RPS16: variants seen among roughly 807,000 people sequenced by gnomAD.
The protein encoded by RPS16 is small ribosomal subunit protein uS9.
Under a neutral mutation model 20.1 loss-of-function variants are expected in RPS16, and 2 were observed. The ratio of observed to expected loss-of-function variants is 0.10; its 90% CI spans 0.04 to 0.31. RPS16 has a LOEUF of 0.31. Ranked by LOEUF, RPS16 falls within the 10% of genes least tolerant of loss-of-function variation. The pLI is 1.00. For missense variants in RPS16, 129 were observed against 198.6 expected, an observed-to-expected ratio of 0.65 and a Z score of 2.11; for synonymous variants, 95 against 76.1, an observed-to-expected ratio of 1.25 and a Z score of -1.29.
At chr19:39,434,851 A>C (rs1429821961) in intron 2 of RPS16, 1 of 152,242 alleles carries the variant, frequency 6.6e-6, no homozygotes, top group African/African-American at 2.4e-5. Context: ...AATTTTTTTA[A>C]CTGACCCTGC....
chr19:39,434,640 G>A (rs773032265), intron 2 of RPS16: 2 of 152,178 alleles, frequency 1.3e-5, no homozygotes, highest in African/African-American at 2.4e-5. Flanking sequence ...AATAAAGTGA[G>A]ACCCCACGTC....
intron 2 of RPS16, 122 bp downstream of exon 2, chr19:39,435,485 A>T: frequency 1.4e-6 from 1 of 739,314 alleles, no homozygotes; most frequent in Non-Finnish European, 2.3e-6. Flanking sequence ...CCACTGTTCT[A>T]CACCCAACAC....
chr19:39,433,744 C>T lies in RPS16; in HGVS notation c.168G>A (p.Leu56=), dbSNP rs755388479. 1.1e-5 allele frequency: 18 copies of T among 1,614,044 alleles called. No homozygotes were observed. Among genetic ancestry groups the T allele is most frequent in the Non-Finnish European group, 1.5e-5 (18 of 1,180,036 alleles). Reference sequence around the variant, plus strand: ...CAGCAAATCGCTCCTTGCCGAGAAGCAGAACTGGCTCCAGCAGCTAAAGGA... The same window carrying T: ...CAGCAAATCGCTCCTTGCCGAGAAGTAGAACTGGCTCCAGCAGCTAAAGGA... The part of the protein sequence containing the change: ...TLQYKLLEPV[L]LLGKERFAGV... Residue 56 remains leucine (L), a synonymous_variant, in exon 3 of 5, where the codon CTG becomes CTA. Coordinates refer to ENST00000251453, the MANE Select transcript of RPS16 (RefSeq NM_001020.6).
At chr19:39,434,576 C>T (rs1023978719) in intron 2 of RPS16, 35 of 152,326 alleles carry the variant, frequency 2.3e-4, no homozygotes, top group South Asian at 4.1e-4. Context: ...GTGATCACAC[C>T]TGTAATCCCA....
intron 2 of RPS16, chr19:39,434,777 T>C (rs481421): frequency 0.44 from 67,596 of 152,052 alleles, 16,466 homozygotes; most frequent in African/African-American, 0.65. Flanking sequence ...GATTGTGCTA[T>C]TGCACTCCAG....
chr19:39,433,138 T>C lies in RPS16; in HGVS notation c.*135A>G. On this transcript the variant is annotated 3_prime_UTR_variant, in exon 5 of 5. Transcript: ENST00000251453. ...GGAGGGTCAAAATCCAGACTGGCAA[T>C]AGGTCCAGGATGTTTACTGATTTCT... 1.0e-6 allele frequency: 1 copy of C among 999,124 alleles called. No individual in the cohort carries two copies. The highest frequency in any genetic ancestry group is 1.5e-6 in the Non-Finnish European group (1 of 670,442). The allele number at this position is 999,124 out of a possible 1,614,324, so 61.9% of individuals were successfully genotyped here.
At position 39,433,680 on chromosome 19, in the gene RPS16, C is replaced by T. The variant is rs746974566; in HGVS notation, c.232G>A (p.Val78Met). 6 of 1,614,232 alleles carry T rather than the reference C, an allele frequency of 3.7e-6. No homozygotes were observed. Among genetic ancestry groups the T allele is most frequent in the Middle Eastern group, 1.6e-4 (1 of 6,062 alleles). Reference protein sequence around the residue: ...IRVRVKGGGHVAQIYAIRQSI... With the variant: ...IRVRVKGGGHMAQIYAIRQSI... ...TGGGACTCACCATAAATCTGGGCCA[C>T]GTGACCACCACCCTTTACACGGACA... The change falls in exon 3 of 5, where the codon GTG becomes ATG. Residue 78 changes from valine to methionine, a missense_variant. Around this residue, in one of 2 missense-constraint regions of RPS16, gnomAD observed 117 missense variants for 151.4 expected, o/e 0.77. Coordinates refer to ENST00000251453, the MANE Select transcript of RPS16 (RefSeq NM_001020.6).
intron 2 of RPS16, chr19:39,434,174 T>A: frequency 5.0e-6 from 1 of 199,400 alleles, no homozygotes; most frequent in East Asian, 1.1e-4. Flanking sequence ...ATTTCCCACC[T>A]GAGCTCTCTG....
At chr19:39,435,351 C>T (rs1378678331) in intron 2 of RPS16, 3 of 486,960 alleles carry the variant, frequency 6.2e-6, no homozygotes, top group South Asian at 3.5e-5. Flanking sequence ...CCTTTGGGTC[C>T]CCCCGCCCCA....
rs376071845 is a variant in RPS16, at chr19:39,433,442, G to A, written c.296-24C>T. On this transcript the variant is annotated intron_variant, in intron 4 of 4. Coordinates refer to ENST00000251453, the MANE Select transcript of RPS16 (RefSeq NM_001020.6). ...ATCTGGCAAGAAGAGCAGGGACGAG[G>A]ATTTAGATAATCACACAGAGTCCTT... 356 of 1,613,466 alleles carry A rather than the reference G, an allele frequency of 2.2e-4. 1 individual carries two copies. Among genetic ancestry groups the A allele is most frequent in the Non-Finnish European group, 2.7e-4 (316 of 1,179,560 alleles).
chr19:39,433,841 GGCTTCTGCC>G, intron 2 of RPS16, 80 bp from the exon 3 acceptor site: 1 of 1,392,412 alleles, frequency 7.2e-7, no homozygotes. Flanking sequence ...TTGTTTCTGT[GGCTTCTGCC>G]ACCACTGGCC....
intron 2 of RPS16, 190 bp downstream of exon 2, chr19:39,435,417 A>C (rs564577): frequency 0.56 from 325,903 of 577,570 alleles, 94,531 homozygotes; most frequent in African/African-American, 0.81. Flanking sequence ...ATCTTCAACA[A>C]CCCCATCTCA....
At chr19:39,434,125 A>AGTG in intron 2 of RPS16, 1 of 305,408 alleles carries the variant, frequency 3.3e-6, no homozygotes, top group South Asian at 3.2e-5. Flanking sequence ...TGTTTCAAGT[A>AGTG]GTCGAAAGCC....
chr19:39,435,943 G>A lies in RPS16; in HGVS notation c.-48C>T, dbSNP rs767142370. The A allele has an allele frequency of 7.5e-6, 12 of 1,600,924 alleles. No homozygotes were observed. The South Asian group carries it at 9.9e-5, about 13-fold the overall frequency. On this transcript the variant is annotated 5_prime_UTR_variant, in exon 1 of 5. Coordinates refer to ENST00000251453, the MANE Select transcript of RPS16 (RefSeq NM_001020.6). ...ACCTCACCGCGCGGCGCCGCAACCGGAAAAGGAAAGCTAGGGGCCACCCTG... is the reference window on the plus strand; with the variant it reads ...ACCTCACCGCGCGGCGCCGCAACCGAAAAAGGAAAGCTAGGGGCCACCCTG...
rs1175639832 is a variant in RPS16 at position 39,435,838 on chromosome 19, T to C, written c.48+10A>G. The stretch of plus-strand genomic sequence containing the variant: ...CTTCCCCTCCCCTTCCCATCCGGCG[T>C]CTGGCTCACCTTGCGTCCGAAGACC... On this transcript the variant is annotated intron_variant, in intron 1 of 4. Transcript: ENST00000251453. 6.2e-7 allele frequency: 1 copy of C among 1,610,990 alleles called. No individual in the cohort carries two copies. The highest frequency in any genetic ancestry group is 2.2e-5 in the East Asian group (1 of 44,878).
At chr19:39,434,469 A>C (rs942802001) in intron 2 of RPS16, 11 of 152,592 alleles carry the variant, frequency 7.2e-5, no homozygotes, top group African/African-American at 2.7e-4. Flanking sequence ...TACACATACA[A>C]ATCCTTCAAA....
At position 39,435,924 on chromosome 19, in the gene RPS16, C is replaced by G. The variant is rs1461803460; in HGVS notation, c.-29G>C. On this transcript the variant is annotated 5_prime_UTR_variant, in exon 1 of 5. Coordinates refer to ENST00000251453, the MANE Select transcript of RPS16 (RefSeq NM_001020.6). ...TCCGAGCGTGGACTAGACAACCTCACCGCGCGGCGCCGCAACCGGAAAAGG... is the reference window on the plus strand; with the variant it reads ...TCCGAGCGTGGACTAGACAACCTCAGCGCGCGGCGCCGCAACCGGAAAAGG... The G allele has an allele frequency of 6.2e-6, 10 of 1,602,286 alleles. No individual in the cohort carries two copies. The highest frequency in any genetic ancestry group is 8.5e-6 in the Non-Finnish European group (10 of 1,179,890).
intron 2 of RPS16, chr19:39,433,969 GAAA>G (rs2078845519): frequency 3.6e-6 from 2 of 562,334 alleles, no homozygotes; most frequent in African/African-American, 3.8e-5. Context: ...GTGGTGTTAA[GAAA>G]TATAGGCAAG....
In RPS16 at chr19:39,433,632, A is replaced by G. The variant is rs752249359; in HGVS notation, c.247+33T>C. 1.5e-5 allele frequency: 24 copies of G among 1,613,984 alleles called. No individual in the cohort carries two copies. In the South Asian group the frequency reaches 2.5e-4, roughly 17 times the overall value. On this transcript the variant is annotated intron_variant, in intron 3 of 4. Coordinates refer to ENST00000251453, the MANE Select transcript of RPS16 (RefSeq NM_001020.6). ...CTGTGAAGGCCTCCCTCCCAGAGCC[A>G]CCTCCTCCATGCGCCCAGTTCCTGG...
Sources: allele counts gnomAD v4.1 joint callset, GRCh38; gene constraint gnomAD v4.1.1; regional missense constraint gnomAD v4.1.1; transcripts MANE v1.5; gene names NCBI Gene and HGNC (gene_info 2026-07-23, HGNC 2026-07-21).